OR8B3: variants seen among roughly 807,000 people sequenced by gnomAD.
The protein encoded by OR8B3 is olfactory receptor family 8 subfamily B member 3, also known as olfactory receptor 8B3.
For missense variants in OR8B3, 278 were observed against 377.6 expected (o/e 0.74, Z 2.19); for synonymous variants, 102 against 135.4 (o/e 0.75, Z 1.71).
the OR8B3 span, chr11:124,404,309 A>T: frequency 3.3e-5 from 5 of 152,210 alleles, no homozygotes; most frequent in Non-Finnish European, 5.9e-5. Context: ...ACACATAGGT[A>T]AGCTCATTCT....
chr11:124,404,990 G>A, the OR8B3 span: 2 of 152,128 alleles, frequency 1.3e-5, no homozygotes, highest in Non-Finnish European at 2.9e-5. Flanking sequence ...ATAAAATTAT[G>A]TTCAAATTCT....
intron 1 of OR8B3, among the ~76,000 whole-genome samples, chr11:124,398,468 A>C (rs28435632): frequency 0.076 from 11,556 of 152,212 alleles, 1,458 homozygotes; most frequent in African/African-American, 0.26. Flanking sequence ...AGAGACAAAT[A>C]TCCTTTCCTG....
At chr11:124,406,597 A>C in the OR8B3 span, among the ~76,000 whole-genome samples, 1 of 152,084 alleles carries the variant, frequency 6.6e-6, no homozygotes, top group African/African-American at 2.4e-5. Context: ...AAATTTAAGC[A>C]TCTGCTCCTC....
the OR8B3 span, among the ~76,000 whole-genome samples, chr11:124,406,377 T>C: frequency 1.3e-5 from 2 of 152,170 alleles, no homozygotes; most frequent in African/African-American, 4.8e-5. Flanking sequence ...GGTAAGTGTT[T>C]GTTCTCCTTC....
At position 124,396,840 on chromosome 11, in the gene OR8B3, G is replaced by T; in HGVS notation, c.512C>A (p.Ala171Asp). 1.2e-6 allele frequency: 2 copies of T among 1,610,418 alleles called. No individual in the cohort carries two copies. The highest frequency in any genetic ancestry group is 1.7e-6 in the Non-Finnish European group (2 of 1,177,574). The change falls in exon 2 of 2, where the codon GCT becomes GAT. Residue 171 changes from alanine (A) to aspartate (D), a missense_variant. By Grantham distance (126) the Ala-to-Asp change is moderately radical. Coordinates refer to ENST00000641139, the MANE Select transcript of OR8B3 (RefSeq NM_001005467.2). ...ACACAAGTAATGGTTGATGATATTAGCACTGCAGAAGGTGAGTCTAAGCAT... is the reference window on the plus strand; with the variant it reads ...ACACAAGTAATGGTTGATGATATTATCACTGCAGAAGGTGAGTCTAAGCAT... Reference protein sequence around the residue: ...GCMLRLTFCSANIINHYLCDI... With the variant: ...GCMLRLTFCSDNIINHYLCDI...
chr11:124,397,799 A>C (rs1860915511), intron 1 of OR8B3, among the ~76,000 whole-genome samples: 2 of 151,174 alleles, frequency 1.3e-5, no homozygotes, highest in South Asian at 2.1e-4. Context: ...CGGGTTCAAG[A>C]GATTCTCCTG....
In OR8B3 at chr11:124,395,751, T is replaced by C. The variant is rs1489383730; in HGVS notation, c.*659A>G. The C allele has an allele frequency of 6.6e-6, 1 of 152,238 alleles. No individual in the cohort carries two copies. The highest frequency in any genetic ancestry group is 2.4e-5 in the African/African-American group (1 of 41,466). The allele number at this position is 152,238 out of a possible 1,614,324, so 9.4% of individuals were successfully genotyped here. ...TATTTCTCTAATCATCCTCTGTAAA[T>C]GCTGCCTTTGGCAATAAAAGGTGGA... On this transcript the variant is annotated 3_prime_UTR_variant, in exon 2 of 2. Transcript: ENST00000641139.
chr11:124,405,395 A>G, the OR8B3 span, among the ~76,000 whole-genome samples: 1 of 152,082 alleles, frequency 6.6e-6, no homozygotes, highest in Non-Finnish European at 1.5e-5. Flanking sequence ...CCCTCCAACC[A>G]GGGCTGTCTC....
the OR8B3 span, among the ~76,000 whole-genome samples, chr11:124,409,129 T>A: frequency 6.6e-6 from 1 of 152,214 alleles, no homozygotes; most frequent in African/African-American, 2.4e-5. Context: ...AAATGAACTT[T>A]TTTGTTTAAA....
chr11:124,403,286 T>C (rs1861025503), upstream of OR8B3, among the ~76,000 whole-genome samples: 1 of 152,212 alleles, frequency 6.6e-6, no homozygotes, highest in Non-Finnish European at 1.5e-5. Context: ...ATTTCCCCCT[T>C]TTCTATTGGA....
At chr11:124,400,780 C>T (rs895660195), upstream of OR8B3, among the ~76,000 whole-genome samples, 2 of 151,956 alleles carry the variant, frequency 1.3e-5, no homozygotes, top group Non-Finnish European at 2.9e-5. Flanking sequence ...TCAAACAATC[C>T]TCCCACCTTG....
At chr11:124,408,257 G>C in the OR8B3 span, among the ~76,000 whole-genome samples, 1 of 151,966 alleles carries the variant, frequency 6.6e-6, no homozygotes, top group Admixed American at 6.6e-5. Flanking sequence ...TCAATCCATT[G>C]GCATTTTATT....
upstream of OR8B3, among the ~76,000 whole-genome samples, chr11:124,400,286 A>G (rs1355592690): frequency 6.6e-6 from 1 of 152,164 alleles, no homozygotes; most frequent in Non-Finnish European, 1.5e-5. Context: ...AAATTATTAA[A>G]TTAAGATCAT....
intron 1 of OR8B3, among the ~76,000 whole-genome samples, chr11:124,398,094 A>G (rs906438382): frequency 6.6e-6 from 1 of 152,316 alleles, no homozygotes; most frequent in South Asian, 2.1e-4. Context: ...GGCAGAGACC[A>G]TACCGATATT....
chr11:124,395,943 C>T lies in OR8B3; in HGVS notation c.*467G>A, dbSNP rs146213699. 770 of 153,990 alleles carry T rather than the reference C, an allele frequency of 5.0e-3. 5 individuals are homozygous for T. Among genetic ancestry groups the T allele is most frequent in the African/African-American group, 0.017 (704 of 41,582 alleles). The allele number at this position is 153,990 out of a possible 1,614,324, so 9.5% of individuals were successfully genotyped here. Reference sequence around the variant, plus strand: ...AACAAAAGGACAAGATCAAGGGGTGCTCATTCTGCTTTAAGCTACCTACCA... The same window carrying T: ...AACAAAAGGACAAGATCAAGGGGTGTTCATTCTGCTTTAAGCTACCTACCA... On this transcript the variant is annotated 3_prime_UTR_variant, in exon 2 of 2. Transcript: ENST00000641139.
At chr11:124,399,300 G>A (rs540798475), upstream of OR8B3, among the ~76,000 whole-genome samples, 363 of 152,282 alleles carry the variant, frequency 2.4e-3, 3 homozygotes, top group African/African-American at 8.4e-3. Context: ...AATATTGTGA[G>A]TCCTTTTAAA....
the OR8B3 span, chr11:124,404,648 G>T: frequency 4.6e-5 from 7 of 152,124 alleles, no homozygotes; most frequent in Admixed American, 3.9e-4. Context: ...ATGTTTCTTT[G>T]TAGCAGATCC....
In OR8B3 at chr11:124,396,988, G is replaced by T. The variant is rs777639957; in HGVS notation, c.364C>A (p.Arg122Ser). 6.2e-7 allele frequency: 1 copy of T among 1,613,594 alleles called. No homozygotes were observed. The highest frequency in any genetic ancestry group is 8.5e-7 in the Non-Finnish European group (1 of 1,179,836). Residue 122 changes from arginine to serine, a missense_variant, in exon 2 of 2, where the codon CGC (arginine) becomes AGC (serine). By Grantham distance (110) the Arg-to-Ser change is moderately radical. Transcript: ENST00000641139. Reference protein sequence around the residue: ...CYMLTSMAYDRYVAICNPLLY... With the variant: ...CYMLTSMAYDSYVAICNPLLY... ...AATGGATTACAGATGGCCACATAGC[G>T]ATCATATGCCATTGAGGTCAACATG...
At chr11:124,399,661 G>T (rs947124903), upstream of OR8B3, among the ~76,000 whole-genome samples, 4 of 152,144 alleles carry the variant, frequency 2.6e-5, no homozygotes, top group Admixed American at 1.3e-4. Flanking sequence ...GTCATACGTA[G>T]ATTCCCTTGA....
Sources: gnomAD v4.1 joint callset for allele counts (sites outside exome capture counted in the v4.1 genomes callset) on GRCh38, gnomAD v4.1.1 for gene constraint, MANE v1.5 for transcripts, NCBI Gene and HGNC (gene_info 2026-07-23, HGNC 2026-07-21) for gene names.